ARHGAP24: variants seen among roughly 807,000 people sequenced by gnomAD.
The protein encoded by ARHGAP24 is rho GTPase-activating protein 24.
Under a neutral mutation model 76.4 loss-of-function variants are expected in ARHGAP24, and 50 were observed. The observed-to-expected ratio is 0.65, with a 90% confidence interval of 0.52 to 0.83. The LOEUF is 0.83. Ranked by LOEUF, ARHGAP24 falls within the 40% of genes least tolerant of loss-of-function variation. ARHGAP24 has a pLI of 0.00. For synonymous variants in ARHGAP24, 345 were observed against 323.3 expected (o/e 1.07, Z -0.72); for missense variants, 930 against 914.2 (o/e 1.02, Z -0.22).
chr4:85,744,051 C>T (rs115664695), intron 3 of ARHGAP24, among the ~76,000 whole-genome samples: 1,861 of 152,156 alleles, frequency 0.012, 18 homozygotes, highest in Admixed American at 0.02. Flanking sequence ...AAAACAAAAA[C>T]AAAAACAAAA....
chr4:85,846,148 G>A (rs1307978883), intron 3 of ARHGAP24, among the ~76,000 whole-genome samples: 3 of 151,908 alleles, frequency 2.0e-5, no homozygotes, highest in Non-Finnish European at 2.9e-5. Flanking sequence ...CAGGTGATCC[G>A]CCCGCCTCGG....
At chr4:85,697,395 T>C (rs1723906295) in intron 2 of ARHGAP24, among the ~76,000 whole-genome samples, 1 of 152,228 alleles carries the variant, frequency 6.6e-6, no homozygotes, top group Admixed American at 6.5e-5. Flanking sequence ...TAGTATTCCA[T>C]GGTGTATATG....
chr4:85,788,216 C>G (rs1727947616), intron 3 of ARHGAP24, among the ~76,000 whole-genome samples: 1 of 152,160 alleles, frequency 6.6e-6, no homozygotes, highest in South Asian at 2.1e-4. Context: ...GTAACTCTCT[C>G]TGTTCCTGAC....
intron 2 of ARHGAP24, among the ~76,000 whole-genome samples, chr4:85,696,990 C>T (rs947411301): frequency 3.3e-5 from 5 of 152,148 alleles, no homozygotes; most frequent in African/African-American, 7.2e-5. Context: ...GGGATATAAT[C>T]GTGAGCAATA....
At chr4:85,962,882 A>C (rs1322886906) in intron 5 of ARHGAP24, among the ~76,000 whole-genome samples, 1 of 151,820 alleles carries the variant, frequency 6.6e-6, no homozygotes, top group African/African-American at 2.4e-5. Flanking sequence ...AATCAATGTA[A>C]TGAAGATCTA....
chr4:85,777,280 A>G (rs972781026), intron 3 of ARHGAP24, among the ~76,000 whole-genome samples: 3 of 152,256 alleles, frequency 2.0e-5, no homozygotes, highest in African/African-American at 4.8e-5. Context: ...GCCAAAGAAC[A>G]GGGCAAGAGT....
chr4:85,485,626 A>G (rs563743182), intron 1 of ARHGAP24, among the ~76,000 whole-genome samples: 1 of 151,644 alleles, frequency 6.6e-6, no homozygotes, highest in East Asian at 1.9e-4. Flanking sequence ...TAGTTTTTCT[A>G]GACTTCAGTC....
At chr4:85,485,639 C>G (rs1254662083) in intron 1 of ARHGAP24, among the ~76,000 whole-genome samples, 1 of 151,446 alleles carries the variant, frequency 6.6e-6, no homozygotes, top group Non-Finnish European at 1.5e-5. Context: ...CTTCAGTCTC[C>G]TTACCTGTAA....
intron 5 of ARHGAP24, among the ~76,000 whole-genome samples, chr4:85,955,875 A>C (rs944343064): frequency 2.0e-5 from 3 of 152,216 alleles, no homozygotes; most frequent in Non-Finnish European, 2.9e-5. Context: ...TGTAAAATAC[A>C]TGATTTCCTT....
chr4:85,968,759 A>G (rs577559207), intron 5 of ARHGAP24, among the ~76,000 whole-genome samples: 9 of 152,100 alleles, frequency 5.9e-5, no homozygotes, highest in Middle Eastern at 6.8e-3. Flanking sequence ...AAAAATGAAA[A>G]CTCTAGAAAA....
chr4:85,920,507 A>C (rs1282955393), intron 3 of ARHGAP24, among the ~76,000 whole-genome samples: 1 of 152,232 alleles, frequency 6.6e-6, no homozygotes, highest in Non-Finnish European at 1.5e-5. Context: ...AAGCAATTTC[A>C]AGAAAAGCAA....
intron 1 of ARHGAP24, among the ~76,000 whole-genome samples, chr4:85,511,675 G>T (rs1031863718): frequency 5.9e-5 from 9 of 152,100 alleles, no homozygotes; most frequent in African/African-American, 1.2e-4. Context: ...ACATTGGTCA[G>T]GTTGGTCTCA....
intron 1 of ARHGAP24, among the ~76,000 whole-genome samples, chr4:85,492,352 T>C (rs1321245434): frequency 6.6e-6 from 1 of 152,202 alleles, no homozygotes; most frequent in African/African-American, 2.4e-5. Flanking sequence ...TTCACTTTAA[T>C]TGTTCAAAAC....
intron 1 of ARHGAP24, among the ~76,000 whole-genome samples, chr4:85,493,648 C>G (rs1723446898): frequency 1.3e-5 from 2 of 152,186 alleles, no homozygotes; most frequent in South Asian, 4.1e-4. Context: ...TACCACAAGA[C>G]ACTCTAGGCT....
At chr4:85,549,815 G>A (rs1028525420) in intron 1 of ARHGAP24, among the ~76,000 whole-genome samples, 7 of 152,274 alleles carry the variant, frequency 4.6e-5, no homozygotes, top group Admixed American at 1.3e-4. Flanking sequence ...TTGTGCCAAT[G>A]TGTACTCAAT....
intron 6 of ARHGAP24, among the ~76,000 whole-genome samples, chr4:85,974,327 A>G (rs1739201857): frequency 6.6e-6 from 1 of 152,222 alleles, no homozygotes; most frequent in African/African-American, 2.4e-5. Flanking sequence ...AGAAGAAAGC[A>G]AATTACATTA....
intron 3 of ARHGAP24, among the ~76,000 whole-genome samples, chr4:85,875,667 T>A (rs1578331710): frequency 7.7e-6 from 1 of 130,614 alleles, no homozygotes; most frequent in East Asian, 2.1e-4. Context: ...TAATATAACA[T>A]AAAATTTATA....
At chr4:85,815,981 C>T (rs1253692563) in intron 3 of ARHGAP24, among the ~76,000 whole-genome samples, 1 of 152,160 alleles carries the variant, frequency 6.6e-6, no homozygotes, top group Non-Finnish European at 1.5e-5. Flanking sequence ...CCAAGTAAAA[C>T]AGGTTTCCCC....
intron 5 of ARHGAP24, among the ~76,000 whole-genome samples, chr4:85,943,395 A>T (rs1737061045): frequency 6.6e-6 from 1 of 152,176 alleles, no homozygotes; most frequent in Admixed American, 6.6e-5. Context: ...CTCAGTTCAT[A>T]GATGGCACCT....
Sources: gnomAD v4.1 joint callset for allele counts (sites outside exome capture counted in the v4.1 genomes callset) on GRCh38, gnomAD v4.1.1 for gene constraint, MANE v1.5 for transcripts, NCBI Gene and HGNC (gene_info 2026-07-23, HGNC 2026-07-21) for gene names.